Variants in ZNF550 observed in about 807,000 individuals in gnomAD.
ZNF550 encodes the protein zinc finger protein 550.
ZNF550 carries 42 observed loss-of-function variants against 40.2 expected under a neutral mutation model. That is an observed-to-expected ratio of 1.05 (90% confidence interval 0.82 to 1.35). ZNF550 has a LOEUF of 1.35. ZNF550 is among the 40% of genes most tolerant of loss of function. ZNF550 has a pLI of 0.00. For missense variants in ZNF550, 549 were observed against 525.2 expected, an observed-to-expected ratio of 1.05 and a Z score of -0.44; for synonymous variants, 223 against 198.6, an observed-to-expected ratio of 1.12 and a Z score of -1.03.
rs143164204 is a variant in ZNF550, at chr19:57,548,277, T to C, written c.251-284A>G. On this transcript the variant is annotated intron_variant, in intron 3 of 4. Transcript: ENST00000457177. ...TAAGGAAGAGATAATAGAGTTTTGATGACATTGTCTGAAGGGCATTTGCTT... is the reference window on the plus strand; with the variant it reads ...TAAGGAAGAGATAATAGAGTTTTGACGACATTGTCTGAAGGGCATTTGCTT... Among the ~76,000 whole-genome samples, 472 of 152,254 alleles carry C rather than the reference T, an allele frequency of 3.1e-3. 8 individuals carry two copies. Among genetic ancestry groups the C allele is most frequent in the African/African-American group, 0.011 (458 of 41,540 alleles).
chr19:57,550,349 T>G (rs986376883), intron 3 of ZNF550, among the ~76,000 whole-genome samples: 2 of 152,224 alleles, frequency 1.3e-5, no homozygotes, highest in Non-Finnish European at 2.9e-5. Flanking sequence ...AGTGTTTATA[T>G]CCACTAAATA....
At chr19:57,543,423 A>G (rs943244806) in intron 4 of ZNF550, 1 of 261,744 alleles carries the variant, frequency 3.8e-6, no homozygotes, top group African/African-American at 2.3e-5. Context: ...ACAAATATTA[A>G]GATTTCTAAT....
intron 3 of ZNF550, among the ~76,000 whole-genome samples, chr19:57,548,622 TTGG>T (rs1188812470): frequency 6.6e-6 from 1 of 152,168 alleles, no homozygotes; most frequent in African/African-American, 2.4e-5. Context: ...TCATACACTG[TTGG>T]TGGGAATTTC....
rs757433267 is a variant in ZNF550, at chr19:57,547,218, G to C, written c.1026C>G (p.Pro342=). The C allele has an allele frequency of 2.5e-6, 4 of 1,614,134 alleles. No homozygotes were observed. In the South Asian group the frequency reaches 3.3e-5, roughly 13 times the overall value. Residue 342 remains proline (P), a synonymous_variant, in exon 4 of 5, where the codon CCC becomes CCG. Transcript: ENST00000457177. ...CCTTTCCACATGCCATGCAATCATA[G>C]GGCTTCTCTCCAGTGTGGATGATGT...
chr19:57,546,517 A>G, exon 4 of ZNF550: 1 of 989,812 alleles, frequency 1.0e-6, no homozygotes, highest in Non-Finnish European at 1.2e-6. Context: ...AAATTCCAGC[A>G]TGGCTCTTTA....
chr19:57,556,628 A>C, intron 1 of ZNF550: 3 of 345,712 alleles, frequency 8.7e-6, no homozygotes, highest in South Asian at 6.7e-5. Flanking sequence ...GCAGAGAGTA[A>C]GTACTCTGGC....
At chr19:57,552,705 G>A (rs770483808) in exon 3 of ZNF550, 1 of 1,598,280 alleles carries the variant, frequency 6.3e-7, no homozygotes, top group South Asian at 1.1e-5. Flanking sequence ...ACCAACTCTG[G>A]TTTGGGAACC....
exon 4 of ZNF550, chr19:57,547,228 C>T: frequency 6.2e-7 from 1 of 1,614,130 alleles, no homozygotes; most frequent in East Asian, 2.2e-5. Flanking sequence ...GGGCTTCTCT[C>T]CAGTGTGGAT....
At chr19:57,547,063 G>T (rs778139114) in exon 4 of ZNF550, 2 of 1,614,020 alleles carry the variant, frequency 1.2e-6, no homozygotes, top group Non-Finnish European at 1.7e-6. Flanking sequence ...CATCTCCCCA[G>T]TGTGGATGAC....
intron 3 of ZNF550, among the ~76,000 whole-genome samples, chr19:57,550,548 G>T (rs1299686223): frequency 1.3e-5 from 2 of 152,188 alleles, no homozygotes; most frequent in African/African-American, 4.8e-5. Context: ...ACACAAAAGA[G>T]AAACTGCTTT....
chr19:57,552,729 A>T lies in ZNF550; in HGVS notation c.155-7T>A. ...GGTTTGGGAACCCGATGCCCTGTTGATAGCAAAAGAAATAGAATAGGGGTA... is the reference window on the plus strand; with the variant it reads ...GGTTTGGGAACCCGATGCCCTGTTGTTAGCAAAAGAAATAGAATAGGGGTA... On this transcript the variant is annotated splice_polypyrimidine_tract_variant and splice_region_variant and intron_variant, in intron 2 of 4. Coordinates refer to ENST00000457177, the Ensembl canonical transcript of ZNF550. 6.3e-7 allele frequency: 1 copy of T among 1,591,616 alleles called. No individual in the cohort carries two copies. Among genetic ancestry groups the T allele is most frequent in the Non-Finnish European group, 8.5e-7 (1 of 1,174,088 alleles).
chr19:57,546,935 G>A, exon 4 of ZNF550: 1 of 1,562,462 alleles, frequency 6.4e-7, no homozygotes, highest in South Asian at 1.2e-5. Context: ...ATAACAGTGG[G>A]TAAAGGCCTT....
In ZNF550 at chr19:57,542,826, A is replaced by G. The variant is rs983052618; in HGVS notation, c.*936T>C. The G allele has an allele frequency of 2.8e-4, 42 of 152,150 alleles. 2 individuals are homozygous for G. The highest frequency in any genetic ancestry group is 1.5e-5 in the Non-Finnish European group (1 of 68,020). The allele number at this position is 152,150 out of a possible 1,614,324, so 9.4% of individuals were successfully genotyped here. A position where few individuals can be genotyped will look rare whatever the true frequency, so the allele number is the denominator to read the frequency against. On this transcript the variant is annotated 3_prime_UTR_variant, in exon 5 of 5. Coordinates refer to ENST00000457177, the Ensembl canonical transcript of ZNF550. Reference sequence around the variant, plus strand: ...CCTCTGTACATCTGCCTCTGTGACCAAATTTCCCATTTTTCTAAGGACACA... The same window carrying G: ...CCTCTGTACATCTGCCTCTGTGACCGAATTTCCCATTTTTCTAAGGACACA...
At chr19:57,548,493 C>T (rs932486589) in intron 3 of ZNF550, among the ~76,000 whole-genome samples, 3 of 152,094 alleles carry the variant, frequency 2.0e-5, no homozygotes, top group Non-Finnish European at 4.4e-5. Context: ...TATAATTGAC[C>T]ATCAAAGAAA....
upstream of ZNF550, among the ~76,000 whole-genome samples, chr19:57,560,565 G>C (rs181756378): frequency 2.0e-4 from 31 of 152,312 alleles, no homozygotes; most frequent in African/African-American, 6.7e-4. Flanking sequence ...AAATGCGGAC[G>C]TACGAGGGAG....
At chr19:57,543,398 AT>A in intron 4 of ZNF550, 1 of 250,446 alleles carries the variant, frequency 4.0e-6, no homozygotes, top group Non-Finnish European at 6.3e-6. Context: ...TTCCAGACAC[AT>A]TTTTTGTCTG....
chr19:57,547,257 G>T, exon 4 of ZNF550: 3 of 1,613,998 alleles, frequency 1.9e-6, no homozygotes, highest in Non-Finnish European at 1.7e-6. Flanking sequence ...GTTGAATTAG[G>T]TGGGCTCTAT....
intron 4 of ZNF550, among the ~76,000 whole-genome samples, chr19:57,546,126 C>T (rs1006006945): frequency 1.3e-5 from 2 of 152,068 alleles, no homozygotes; most frequent in South Asian, 4.1e-4. Context: ...GTTCTTCTCA[C>T]CCTAGATATA....
rs569813933 is a variant in ZNF550, at chr19:57,552,570, C to T, written c.250+57G>A. 22 of 1,311,718 alleles carry T rather than the reference C, an allele frequency of 1.7e-5. No homozygotes were observed. In the East Asian group the frequency reaches 2.9e-4, roughly 17 times the overall value. The allele number at this position is 1,311,718 out of a possible 1,614,324, so 81.3% of individuals were successfully genotyped here. On this transcript the variant is annotated intron_variant, in intron 3 of 4. Coordinates refer to ENST00000457177, the Ensembl canonical transcript of ZNF550. Reference sequence around the variant, plus strand: ...ACACAGAAATTCAGAGGCAGTGGTGCCCTCACATTATCTGAAGACTGCCAT... The same window carrying T: ...ACACAGAAATTCAGAGGCAGTGGTGTCCTCACATTATCTGAAGACTGCCAT...
Sources: allele counts gnomAD v4.1 joint callset (sites outside exome capture counted in the v4.1 genomes callset), GRCh38; gene constraint gnomAD v4.1.1; transcripts MANE v1.5; gene names NCBI Gene and HGNC (gene_info 2026-07-23, HGNC 2026-07-21).